The following USP3 variants were observed in gnomAD, a reference collection of about 807,000 sequenced individuals.
USP3 encodes ubiquitin carboxyl-terminal hydrolase 3.
USP3 carries 20 observed loss-of-function variants against 72.3 expected under a neutral mutation model. The observed-to-expected ratio is 0.28, with a 90% CI of 0.19 to 0.40. The LOEUF (loss-of-function observed/expected upper bound fraction) is 0.40, where lower values mean the gene tolerates loss of function less well. Among genes scored for constraint, USP3 ranks in the 10% least tolerant of loss-of-function variants. USP3 has a pLI of 1.00. For missense variants in USP3, 479 were observed against 633.9 expected, an observed-to-expected ratio of 0.76 and a Z score of 2.62; for synonymous variants, 222 against 225.3, an observed-to-expected ratio of 0.99 and a Z score of 0.13.
At chr15:63,587,122 GATAC>G (rs1164825463) in intron 11 of USP3, among the ~76,000 whole-genome samples, 1 of 152,004 alleles carries the variant, frequency 6.6e-6, no homozygotes, top group Non-Finnish European at 1.5e-5. Flanking sequence ...ATTATTTAAA[GATAC>G]ATACATGTTC....
chr15:63,593,678 T>A lies in USP3; in HGVS notation c.*2852T>A, dbSNP rs1188592728. 4.6e-5 allele frequency: 7 copies of A among 152,272 alleles called. No individual in the cohort carries two copies. Among genetic ancestry groups the A allele is most frequent in the Non-Finnish European group, 1.0e-4 (7 of 68,046 alleles). 9.4% of individuals were successfully genotyped at this position (152,272 alleles called of 1,614,324 possible). A position where few individuals can be genotyped will look rare whatever the true frequency, so the allele number is the denominator to read the frequency against. On this transcript the variant is annotated 3_prime_UTR_variant, in exon 15 of 15. Transcript: ENST00000380324. ...AAAGTGATTGGATCCATCTCAATTG[T>A]GCACTTGAACAGCAGTGATGTAAAT...
intron 11 of USP3, among the ~76,000 whole-genome samples, chr15:63,580,652 G>A (rs56888677): frequency 1.5e-3 from 16 of 10,600 alleles, no homozygotes; most frequent in Non-Finnish European, 5.9e-3. Context: ...ATATATATAT[G>A]AATATATAAT....
chr15:63,523,355 T>C (rs1181469820), intron 1 of USP3, among the ~76,000 whole-genome samples: 1 of 152,202 alleles, frequency 6.6e-6, no homozygotes, highest in Non-Finnish European at 1.5e-5. Context: ...GGAACGAACT[T>C]AGCGTAAGGT....
At chr15:63,542,600 TC>T (rs1262682543) in intron 3 of USP3, among the ~76,000 whole-genome samples, 1 of 152,076 alleles carries the variant, frequency 6.6e-6, no homozygotes, top group Non-Finnish European at 1.5e-5. Flanking sequence ...AAAGGAAACC[TC>T]AAATTATTGT....
At position 63,504,730 on chromosome 15, in the gene USP3, C is replaced by G. The variant is rs201729390; in HGVS notation, c.-10C>G. On this transcript the variant is annotated 5_prime_UTR_variant, in exon 1 of 15. Coordinates refer to ENST00000380324, the MANE Select transcript of USP3 (RefSeq NM_006537.4). ...GAGCCGCAGTCCTCCCAGCTGCCCT[C>G]CTCGTGGCCATGGAGTGTCCACACC... The G allele has an allele frequency of 1.1e-5, 17 of 1,601,230 alleles. No individual in the cohort carries two copies. The East Asian group carries it at 3.9e-4, about 37-fold the overall frequency.
At chr15:63,546,474 A>C (rs779972834) in intron 3 of USP3, among the ~76,000 whole-genome samples, 5 of 152,210 alleles carry the variant, frequency 3.3e-5, no homozygotes, top group Non-Finnish European at 1.5e-5. Context: ...AATTAAGAAG[A>C]GTGACTAAAT....
At position 63,574,476 on chromosome 15, in the gene USP3, G is replaced by A. The variant is rs2066829656; in HGVS notation, c.1096+73G>A. The stretch of plus-strand genomic sequence containing the variant: ...ATAGATTGATAAGCTTCATCTATAT[G>A]TGGTATCTTTAATTAATATCTTTAA... On this transcript the variant is annotated intron_variant, in intron 11 of 14. Coordinates refer to ENST00000380324, the MANE Select transcript of USP3 (RefSeq NM_006537.4). The surrounding 1 kb of genome is among the most constrained non-coding windows in gnomAD (Gnocchi z 4.6). 8.7e-7 allele frequency: 1 copy of A among 1,145,294 alleles called. No homozygotes were observed. Among genetic ancestry groups the A allele is most frequent in the Non-Finnish European group, 1.2e-6 (1 of 816,124 alleles). The allele number at this position is 1,145,294 out of a possible 1,614,324, so 70.9% of individuals were successfully genotyped here.
chr15:63,542,179 A>C (rs1275951353), intron 3 of USP3: 1 of 985,112 alleles, frequency 1.0e-6, no homozygotes, highest in Admixed American at 6.2e-5. Context: ...TAGAATTTTA[A>C]AGCTGAGAAA....
In USP3 at chr15:63,590,653, C is replaced by T. The variant is rs1383484262; in HGVS notation, c.1398-8C>T. 1.3e-6 allele frequency: 2 copies of T among 1,546,512 alleles called. No individual in the cohort carries two copies. Among genetic ancestry groups the T allele is most frequent in the African/African-American group, 2.8e-5 (2 of 71,820 alleles). ...GTTCTTTTTTCCTTTGGTCTTTTGC[C>T]TTTACAGGGTTGGTTCTGGACATTA... On this transcript the variant is annotated splice_polypyrimidine_tract_variant and splice_region_variant and intron_variant, in intron 14 of 14. Coordinates refer to ENST00000380324, the MANE Select transcript of USP3 (RefSeq NM_006537.4).
chr15:63,515,210 A>G (rs896959634), intron 1 of USP3, among the ~76,000 whole-genome samples: 1 of 152,254 alleles, frequency 6.6e-6, no homozygotes, highest in South Asian at 2.1e-4. Flanking sequence ...CAAGAGTGGC[A>G]TAATAGCTTC....
chr15:63,561,547 G>A (rs999414109), intron 7 of USP3, among the ~76,000 whole-genome samples: 10 of 152,170 alleles, frequency 6.6e-5, no homozygotes, highest in Non-Finnish European at 1.2e-4. Flanking sequence ...CCTGCACTCC[G>A]GATGGTGCTC....
At chr15:63,542,200 T>A in intron 3 of USP3, 7 of 951,714 alleles carry the variant, frequency 7.4e-6, no homozygotes, top group Non-Finnish European at 8.8e-6. Flanking sequence ...GAGGTAGAGA[T>A]TTTTCTCTGT....
intron 2 of USP3, chr15:63,533,988 A>T (rs1268487554): frequency 1.9e-6 from 1 of 537,482 alleles, no homozygotes; most frequent in Non-Finnish European, 2.4e-6. Flanking sequence ...TCTACAACCT[A>T]AATCTTGATG....
In USP3 at chr15:63,556,651, G is replaced by A. The variant is rs1303614286; in HGVS notation, c.369-16G>A. 6.3e-7 allele frequency: 1 copy of A among 1,588,850 alleles called. No homozygotes were observed. The highest frequency in any genetic ancestry group is 8.6e-7 in the Non-Finnish European group (1 of 1,168,418). The stretch of plus-strand genomic sequence containing the variant: ...TATATTAATAACTTTTTCACTATCT[G>A]TTTGTGTTTTAATAGCTCAGCTTTC... On this transcript the variant is annotated splice_polypyrimidine_tract_variant and intron_variant, in intron 4 of 14. Transcript: ENST00000380324.
At chr15:63,589,223 C>G (rs2067137340) in intron 14 of USP3, 2 of 578,074 alleles carry the variant, frequency 3.5e-6, no homozygotes. Flanking sequence ...AAGAATGGTT[C>G]ATTTGAACCC....
At chr15:63,548,878 G>A (rs1427678693) in intron 3 of USP3, among the ~76,000 whole-genome samples, 1 of 152,148 alleles carries the variant, frequency 6.6e-6, no homozygotes, top group East Asian at 1.9e-4. Flanking sequence ...AGTTCTTATA[G>A]TTCAATAAAG....
intron 1 of USP3, among the ~76,000 whole-genome samples, chr15:63,517,151 AT>A (rs966599561): frequency 6.6e-6 from 1 of 151,862 alleles, no homozygotes; most frequent in Non-Finnish European, 1.5e-5. Flanking sequence ...TTAACTCGTC[AT>A]TAGGCTTATT....
intron 11 of USP3, among the ~76,000 whole-genome samples, chr15:63,585,784 A>G (rs1349524244): frequency 1.4e-5 from 2 of 145,616 alleles, no homozygotes; most frequent in Non-Finnish European, 3.0e-5. Flanking sequence ...GGAGGGTATA[A>G]AAGTCTGTGT....
In USP3 at chr15:63,539,801, G is replaced by A. The variant is rs576503437; in HGVS notation, c.284+2645G>A. Among the ~76,000 whole-genome samples, 300 of 152,274 alleles carry A rather than the reference G, an allele frequency of 2.0e-3. 3 individuals are homozygous for A. Among genetic ancestry groups the A allele is most frequent in the South Asian group, 8.3e-3 (40 of 4,830 alleles). On this transcript the variant is annotated intron_variant, in intron 3 of 14. Transcript: ENST00000380324. ...GGTCACATTGTCGGCTCACTTGTGG[G>A]TTTTAGAATAAAATGCTAGGGAATC...
Sources: gnomAD v4.1 joint callset for allele counts (sites outside exome capture counted in the v4.1 genomes callset) on GRCh38, gnomAD v4.1.1 for gene constraint, Gnocchi (gnomAD v3.1) non-coding constraint, MANE v1.5 for transcripts, NCBI Gene and HGNC (gene_info 2026-07-23, HGNC 2026-07-21) for gene names.